DACH1: variants seen among roughly 807,000 people sequenced by gnomAD.
DACH1 encodes dachshund homolog 1.
A neutral mutation model predicts 54.2 loss-of-function variants in DACH1; 12 were observed. The ratio of observed to expected loss-of-function variants is 0.22; its 90% confidence interval spans 0.14 to 0.36. The LOEUF (loss-of-function observed/expected upper bound fraction) is 0.36. Ranked by LOEUF, DACH1 falls within the 10% of genes least tolerant of loss-of-function variation. DACH1 has a pLI of 1.00. For missense variants in DACH1, 805 were observed against 929.8 expected (o/e 0.87, Z 1.75); for synonymous variants, 386 against 366.2 (o/e 1.05, Z -0.62).
At position 71,714,117 on chromosome 13, in the gene DACH1, A is replaced by G. The variant is rs9564836; in HGVS notation, c.849-32207T>C. Among the ~76,000 whole-genome samples the G allele has an allele frequency of 9.1e-4, 139 of 152,160 alleles. 1 individual carries two copies. The East Asian group carries it at 0.023, about 25-fold the overall frequency. On this transcript the variant is annotated intron_variant, in intron 1 of 10. Transcript: ENST00000613252. ...GCATAAATAGATGCTCAGCTATATC[A>G]TATCTTCCTGAATATTATTTCATAT...
chr13:71,548,532 AC>A, intron 6 of DACH1, among the ~76,000 whole-genome samples: 1 of 152,310 alleles, frequency 6.6e-6, no homozygotes, highest in South Asian at 2.1e-4. Flanking sequence ...GAGGAAAAAA[AC>A]ATAGCTGTCC....
At chr13:71,827,657 T>A (rs1359663479) in intron 1 of DACH1, among the ~76,000 whole-genome samples, 1 of 152,058 alleles carries the variant, frequency 6.6e-6, no homozygotes, top group Non-Finnish European at 1.5e-5. Flanking sequence ...AAACATTGGA[T>A]TCACCTTCAA....
intron 6 of DACH1, among the ~76,000 whole-genome samples, chr13:71,496,879 T>A (rs1879486711): frequency 6.6e-6 from 1 of 152,200 alleles, no homozygotes; most frequent in Admixed American, 6.5e-5. Context: ...TAAAACTTAT[T>A]TCCTATATTT....
At chr13:71,555,484 C>G (rs909281800) in intron 6 of DACH1, among the ~76,000 whole-genome samples, 12 of 151,874 alleles carry the variant, frequency 7.9e-5, no homozygotes, top group African/African-American at 2.9e-4. Context: ...GTTGGGACTA[C>G]AGGTGCGCAC....
At chr13:71,806,927 T>C (rs913191286) in intron 1 of DACH1, among the ~76,000 whole-genome samples, 1 of 152,168 alleles carries the variant, frequency 6.6e-6, no homozygotes, top group Non-Finnish European at 1.5e-5. Context: ...CTAAAAATTA[T>C]AAAATAGAGA....
chr13:71,539,769 AC>A (rs746586670), intron 6 of DACH1, among the ~76,000 whole-genome samples: 9 of 152,046 alleles, frequency 5.9e-5, no homozygotes, highest in East Asian at 1.9e-4. Flanking sequence ...CAGCACTAAA[AC>A]TTTTATGAAA....
At chr13:71,658,459 A>C (rs1879282522) in intron 2 of DACH1, among the ~76,000 whole-genome samples, 1 of 152,148 alleles carries the variant, frequency 6.6e-6, no homozygotes, top group South Asian at 2.1e-4. Flanking sequence ...CTGAGGCAAG[A>C]AAATCTCTTG....
intron 1 of DACH1, among the ~76,000 whole-genome samples, chr13:71,686,952 T>C (rs1443184380): frequency 1.3e-5 from 2 of 152,260 alleles, no homozygotes; most frequent in East Asian, 3.9e-4. Context: ...AGCCCTTCTA[T>C]AAGAAGGACA....
chr13:71,734,134 CCCCA>C lies in DACH1; in HGVS notation c.849-52228_849-52225del, dbSNP rs1158501020. Among the ~76,000 whole-genome samples the C allele has an allele frequency of 2.1e-4, 31 of 148,908 alleles. 1 individual carries two copies. The highest frequency in any genetic ancestry group is 7.6e-4 in the African/African-American group (30 of 39,726). On this transcript the variant is annotated intron_variant, in intron 1 of 10. Transcript: ENST00000613252. ...TATATGTATATGGGATACATATATA[CCCCA>C]TATATATGTATATCCCATATACGTA...
chr13:71,807,899 C>A (rs1464426629), intron 1 of DACH1, among the ~76,000 whole-genome samples: 6 of 136,886 alleles, frequency 4.4e-5, no homozygotes, highest in African/African-American at 1.5e-4. Context: ...TCATTATTTG[C>A]AGCCTCTACG....
At chr13:71,580,411 T>G (rs2138431989) in intron 3 of DACH1, among the ~76,000 whole-genome samples, 1 of 152,296 alleles carries the variant, frequency 6.6e-6, no homozygotes, top group African/African-American at 2.4e-5. Flanking sequence ...AAATGGTGAG[T>G]TATATTTTAT....
intron 6 of DACH1, among the ~76,000 whole-genome samples, chr13:71,549,162 C>G (rs1486050554): frequency 1.3e-5 from 2 of 151,990 alleles, no homozygotes; most frequent in African/African-American, 4.8e-5. Flanking sequence ...TATCCAATCA[C>G]ATCTTAGATG....
intron 1 of DACH1, among the ~76,000 whole-genome samples, chr13:71,780,953 G>A (rs1012958372): frequency 5.3e-5 from 8 of 152,086 alleles, no homozygotes; most frequent in African/African-American, 1.9e-4. Flanking sequence ...GGGCAACATA[G>A]CGAGACCTTA....
At chr13:71,688,554 G>A (rs543946596) in intron 1 of DACH1, among the ~76,000 whole-genome samples, 1 of 152,248 alleles carries the variant, frequency 6.6e-6, no homozygotes, top group South Asian at 2.1e-4. Context: ...AGTGTTCTCT[G>A]TGTAGTTGTG....
At chr13:71,652,650 G>A (rs924170678) in intron 2 of DACH1, among the ~76,000 whole-genome samples, 4 of 151,976 alleles carry the variant, frequency 2.6e-5, no homozygotes, top group African/African-American at 4.8e-5. Context: ...TTAATTCACC[G>A]AAGCAGAGTT....
At chr13:71,595,650 A>G (rs1047266543) in intron 3 of DACH1, among the ~76,000 whole-genome samples, 2 of 152,164 alleles carry the variant, frequency 1.3e-5, no homozygotes, top group Non-Finnish European at 1.5e-5. Flanking sequence ...TTAAACAACA[A>G]ATATAGATTT....
chr13:71,486,804 TTATTTATTTATCTATC>T (rs199879873), intron 7 of DACH1, among the ~76,000 whole-genome samples: 36 of 26,118 alleles, frequency 1.4e-3, no homozygotes, highest in South Asian at 8.0e-3. Context: ...ATTAATTTAT[TTATTTATTTATCTATC>T]TATCTATCTA....
chr13:71,793,061 C>G (rs1384965171), intron 1 of DACH1, among the ~76,000 whole-genome samples: 1 of 152,082 alleles, frequency 6.6e-6, no homozygotes, highest in East Asian at 1.9e-4. Context: ...GGAGAAGTAT[C>G]AAACATATTA....
At chr13:71,731,055 A>T (rs1594146791) in intron 1 of DACH1, among the ~76,000 whole-genome samples, 1 of 152,108 alleles carries the variant, frequency 6.6e-6, no homozygotes, top group Admixed American at 6.6e-5. Flanking sequence ...TTACATAAAG[A>T]TGGTGAGAAT....
Sources: gnomAD v4.1 joint callset for allele counts (sites outside exome capture counted in the v4.1 genomes callset) on GRCh38, gnomAD v4.1.1 for gene constraint, MANE v1.5 for transcripts, NCBI Gene and HGNC (gene_info 2026-07-23, HGNC 2026-07-21) for gene names.